Variants in COL5A1 observed in about 807,000 individuals in gnomAD.
COL5A1 encodes collagen alpha-1(V) chain.
A neutral mutation model predicts 263.7 loss-of-function variants in COL5A1; 16 were observed. The ratio of observed to expected loss-of-function variants is 0.06; its 90% CI spans 0.04 to 0.09. The LOEUF is 0.09. COL5A1 is among the 10% of genes least tolerant of loss of function. The pLI is 1.00. For synonymous variants in COL5A1, 1,012 were observed against 1,004.5 expected (o/e 1.01, Z -0.14); for missense variants, 2,036 against 2,540.5 (o/e 0.80, Z 4.27).
intron 4 of COL5A1, among the ~76,000 whole-genome samples, chr9:134,721,927 G>A (rs1254340365): frequency 6.6e-6 from 1 of 152,194 alleles, no homozygotes; most frequent in Admixed American, 6.5e-5. Context: ...AGCAGTGGGT[G>A]GGCTGGAAAG....
At position 134,820,210 on chromosome 9, in the gene COL5A1, C is replaced by A. The variant is rs2132869183; in HGVS notation, c.4541C>A (p.Pro1514His). 1.9e-6 allele frequency: 3 copies of A among 1,613,664 alleles called. No homozygotes were observed. Among genetic ancestry groups the A allele is most frequent in the Non-Finnish European group, 2.5e-6 (3 of 1,179,804 alleles). The stretch of plus-strand genomic sequence containing the variant: ...CCTGGCCCCCAGGGCTCCTCCGGTC[C>A]TAAGGGAGAACAGGTGCGTGAGATG... ...GLPGPQGSSG[P>H]KGEQGITGPS... The change falls in exon 58 of 66, where the codon CCT becomes CAT. Residue 1514 changes from proline to histidine, a missense_variant. Pro to His is a moderately conservative substitution (Grantham distance 77). Transcript: ENST00000371817.
intron 5 of COL5A1, among the ~76,000 whole-genome samples, chr9:134,728,027 G>A (rs1032971626): frequency 7.9e-5 from 12 of 152,180 alleles, no homozygotes; most frequent in South Asian, 4.1e-4. Flanking sequence ...TTTCTCATCC[G>A]TAATATTAAA....
At chr9:134,831,605 G>A (rs143646468) in intron 64 of COL5A1, among the ~76,000 whole-genome samples, 7 of 152,286 alleles carry the variant, frequency 4.6e-5, no homozygotes, top group Admixed American at 2.0e-4. Flanking sequence ...GCTGGGGGCC[G>A]AGGTGGCAGG....
Position 134,712,843 on chromosome 9 carries a change from C to T in COL5A1, c.654+11510C>T, listed in dbSNP as rs573572377. On this transcript the variant is annotated intron_variant, in intron 4 of 65. Coordinates refer to ENST00000371817, the MANE Select transcript of COL5A1 (RefSeq NM_000093.5). ...TTCTCTGCTGGGGTTTCCTTGACCA[C>T]GGGGACCAGGTCTCCCCTGGACGCC... Among the ~76,000 whole-genome samples, 16 of 152,050 alleles carry T rather than the reference C, an allele frequency of 1.1e-4. No homozygotes were observed. The East Asian group carries it at 1.2e-3, about 11-fold the overall frequency.
chr9:134,702,156 G>A (rs542501510), intron 4 of COL5A1, among the ~76,000 whole-genome samples: 32 of 152,272 alleles, frequency 2.1e-4, no homozygotes, highest in Admixed American at 5.2e-4. Flanking sequence ...CGTTGCCTCC[G>A]CGGCTTGGGT....
At chr9:134,690,006 C>T (rs1833219694) in intron 1 of COL5A1, among the ~76,000 whole-genome samples, 1 of 152,150 alleles carries the variant, frequency 6.6e-6, no homozygotes, top group Non-Finnish European at 1.5e-5. Context: ...GTCTGGGGTC[C>T]TCGTGGTGTG....
intron 64 of COL5A1, among the ~76,000 whole-genome samples, chr9:134,832,033 G>C (rs949452457): frequency 1.3e-5 from 2 of 152,222 alleles, no homozygotes; most frequent in African/African-American, 4.8e-5. Context: ...GGGAGGCTCA[G>C]GCGGGCAGAT....
At chr9:134,654,153 GGTA>G (rs1831805666) in intron 1 of COL5A1, among the ~76,000 whole-genome samples, 1 of 136,342 alleles carries the variant, frequency 7.3e-6, no homozygotes, top group Non-Finnish European at 1.6e-5. Flanking sequence ...TAGGGCTGGG[GGTA>G]TGTAGGGCTG....
Position 134,810,267 on chromosome 9 carries a change from G to C in COL5A1, c.3487G>C (p.Glu1163Gln). ...GEDGDKGEIG[E>Q]PGQKGSKGDK... ...CACCTTCCCCTAGGGAGAGATCGGG[G>C]AGCCGGGGCAGAAAGGAAGCAAGGG... Residue 1163 changes from glutamate (E) to glutamine (Q), a missense_variant, in exon 44 of 66, where the codon GAG (glutamate) becomes CAG (glutamine). This residue lies in a region of COL5A1 where 1,078 missense variants were observed against 1,521.4 expected (regional missense o/e 0.71). Transcript: ENST00000371817. 6.2e-7 allele frequency: 1 copy of C among 1,614,206 alleles called. No homozygotes were observed. Among genetic ancestry groups the C allele is most frequent in the Non-Finnish European group, 8.5e-7 (1 of 1,180,014 alleles).
intron 32 of COL5A1, among the ~76,000 whole-genome samples, chr9:134,793,533 G>C (rs539695556): frequency 6.6e-6 from 1 of 152,186 alleles, no homozygotes. Flanking sequence ...AACTGCCAGG[G>C]CCCCAGCGCC....
chr9:134,730,574 C>T (rs1247935814), intron 7 of COL5A1, 99 bp downstream of exon 7: 7 of 1,552,364 alleles, frequency 4.5e-6, no homozygotes, highest in Non-Finnish European at 6.2e-6. Context: ...CAGTTCTCAC[C>T]TTGGTGTCCT....
At chr9:134,811,470 A>G (rs760124667) in intron 45 of COL5A1, 22 bp from the exon 46 acceptor site, 1 of 1,613,138 alleles carries the variant, frequency 6.2e-7, no homozygotes, top group Non-Finnish European at 8.5e-7. Context: ...ATCCTCACCC[A>G]TGGCCGGTTA....
intron 11 of COL5A1, among the ~76,000 whole-genome samples, chr9:134,748,293 G>A (rs1835643663): frequency 6.7e-6 from 1 of 148,770 alleles, no homozygotes; most frequent in South Asian, 2.2e-4. Context: ...ATATGCACAT[G>A]CACACACACA....
Position 134,803,007 on chromosome 9 carries a change from G to T in COL5A1, c.3114+12G>T. On this transcript the variant is annotated intron_variant, in intron 39 of 65. Transcript: ENST00000371817. The stretch of plus-strand genomic sequence containing the variant: ...AAGAAGGGACGAAGGTGAGTTTCTG[G>T]AGCCTTCTGTGTCAGCTCAGGCGTT... The T allele has an allele frequency of 6.3e-7, 1 of 1,580,350 alleles. No individual in the cohort carries two copies. The highest frequency in any genetic ancestry group is 8.6e-7 in the Non-Finnish European group (1 of 1,160,804).
intron 30 of COL5A1, 95 bp from the exon 31 acceptor site, chr9:134,785,900 G>A (rs1837440874): frequency 8.5e-7 from 1 of 1,177,296 alleles, no homozygotes; most frequent in African/African-American, 1.5e-5. Flanking sequence ...CCCTCCTCCA[G>A]GCCCCTGCCA....
intron 1 of COL5A1, among the ~76,000 whole-genome samples, chr9:134,655,997 T>C (rs564663474): frequency 1.0e-3 from 154 of 152,264 alleles, no homozygotes; most frequent in African/African-American, 3.0e-3. Context: ...TTTTCTGGGA[T>C]TGACTGGAAG....
intron 9 of COL5A1, among the ~76,000 whole-genome samples, chr9:134,737,279 G>A (rs577606188): frequency 5.9e-5 from 9 of 152,254 alleles, no homozygotes; most frequent in Admixed American, 3.3e-4. Context: ...CATGGGTGTC[G>A]CCGAGGCCAC....
chr9:134,832,561 C>T (rs1242480279), intron 64 of COL5A1, among the ~76,000 whole-genome samples: 2 of 152,196 alleles, frequency 1.3e-5, no homozygotes, highest in African/African-American at 2.4e-5. Flanking sequence ...GGCAGCGTGC[C>T]CCATGCCCCG....
At chr9:134,657,701 G>C (rs543757599) in intron 1 of COL5A1, among the ~76,000 whole-genome samples, 123 of 151,264 alleles carry the variant, frequency 8.1e-4, no homozygotes, top group African/African-American at 2.7e-3. Context: ...TCTGTATTCA[G>C]TTCCCAGGAG....
Sources: gnomAD v4.1 joint callset for allele counts (sites outside exome capture counted in the v4.1 genomes callset) on GRCh38, gnomAD v4.1.1 for gene constraint, gnomAD v4.1.1 regional missense constraint, MANE v1.5 for transcripts, NCBI Gene and HGNC (gene_info 2026-07-23, HGNC 2026-07-21) for gene names.